Variants in XCR1 observed in about 807,000 individuals in gnomAD.
XCR1 encodes the protein X-C motif chemokine receptor 1.
For synonymous variants in XCR1, 187 were observed against 188.5 expected (o/e 0.99, Z 0.06); for missense variants, 356 against 424.2 (o/e 0.84, Z 1.41).
chr3:46,023,988 A>G (rs1708233846), intron 1 of XCR1: 2 of 1,422,096 alleles, frequency 1.4e-6, no homozygotes, highest in Non-Finnish European at 2.0e-6. Context: ...GCTTGCCGCC[A>G]CATTCAGAAA....
At chr3:46,023,653 A>T (rs1241718769) in intron 1 of XCR1, 1 of 1,375,436 alleles carries the variant, frequency 7.3e-7, no homozygotes, top group African/African-American at 1.4e-5. Flanking sequence ...TCAGAAGTAC[A>T]GCCCTTCTTC....
intron 5 of XCR1, among the ~76,000 whole-genome samples, chr3:46,039,507 T>C (rs1321741206): frequency 6.6e-6 from 1 of 152,240 alleles, no homozygotes; most frequent in Non-Finnish European, 1.5e-5. Context: ...ATTTGTGACA[T>C]GTTAGAATGA....
At chr3:46,048,819 A>G (rs1226422072) in intron 5 of XCR1, among the ~76,000 whole-genome samples, 1 of 152,192 alleles carries the variant, frequency 6.6e-6, no homozygotes, top group Non-Finnish European at 1.5e-5. Flanking sequence ...AAGGCTAAAT[A>G]TAGTTTTGAT....
At chr3:46,024,018 C>G in intron 1 of XCR1, 2 of 1,365,982 alleles carry the variant, frequency 1.5e-6, no homozygotes, top group Admixed American at 1.7e-5. Context: ...CCTCCTCAAC[C>G]TGGCAGAAGT....
Position 46,021,382 on chromosome 3 carries a change from T to C in XCR1, c.566A>G (p.Gln189Arg). 1 of 1,614,126 alleles carries C rather than the reference T, an allele frequency of 6.2e-7. No homozygotes were observed. The highest frequency in any genetic ancestry group is 8.5e-7 in the Non-Finnish European group (1 of 1,180,022). The stretch of plus-strand genomic sequence containing the variant: ...GGACAGCAGGAAGAAGAGGTTGTGC[T>C]GGTAGACGGAGGTGAGGTACCACGT... ...ELTWYLTSVY[Q>R]HNLFFLLSLG... is the part of the protein sequence containing the mutation. The change falls in exon 2 of 2, where the codon CAG becomes CGG. Residue 189 changes from glutamine (Q) to arginine (R), a missense_variant. Gln to Arg is a conservative substitution (Grantham distance 43, BLOSUM62 1). Coordinates refer to ENST00000309285, the MANE Select transcript of XCR1 (RefSeq NM_001024644.2). The surrounding 1 kb of genome is among the most constrained non-coding windows in gnomAD (Gnocchi z 4.7).
chr3:46,035,597 C>T (rs1272731966), intron 5 of XCR1, among the ~76,000 whole-genome samples: 6 of 152,194 alleles, frequency 3.9e-5, no homozygotes, highest in African/African-American at 1.2e-4. Context: ...AAGTTTCAGT[C>T]TGTCTCTGGC....
chr3:46,036,897 C>T (rs1182633725), intron 5 of XCR1, among the ~76,000 whole-genome samples: 4 of 151,996 alleles, frequency 2.6e-5, no homozygotes, highest in African/African-American at 4.8e-5. Flanking sequence ...ATAAATAATG[C>T]ATAAGTAATC....
At chr3:46,060,320 A>G (rs1021079154) in intron 4 of XCR1, among the ~76,000 whole-genome samples, 1 of 152,156 alleles carries the variant, frequency 6.6e-6, no homozygotes, top group Non-Finnish European at 1.5e-5. Context: ...GTTCTTCCTG[A>G]ACTCGGTTGT....
upstream of XCR1, among the ~76,000 whole-genome samples, chr3:46,031,513 AG>A (rs1272385888): frequency 6.6e-6 from 1 of 152,148 alleles, no homozygotes; most frequent in Non-Finnish European, 1.5e-5. Flanking sequence ...AAGGCTGAGG[AG>A]GGGGGCGCTG....
intron 4 of XCR1, among the ~76,000 whole-genome samples, chr3:46,058,860 C>T (rs540948545): frequency 7.9e-5 from 12 of 152,262 alleles, no homozygotes; most frequent in African/African-American, 1.9e-4. Flanking sequence ...CCATGATGAC[C>T]GGCCATAGGG....
intron 5 of XCR1, among the ~76,000 whole-genome samples, chr3:46,046,073 G>C (rs1331533131): frequency 6.6e-6 from 1 of 152,194 alleles, no homozygotes; most frequent in Non-Finnish European, 1.5e-5. Context: ...CAGCAACATG[G>C]AGAGAACTGG....
intron 5 of XCR1, among the ~76,000 whole-genome samples, chr3:46,048,355 A>G (rs904672499): frequency 2.0e-5 from 3 of 152,220 alleles, no homozygotes; most frequent in African/African-American, 7.2e-5. Context: ...TAACATGGCC[A>G]AGAACATGGA....
chr3:46,066,791 T>C (rs1333765586), intron 4 of XCR1, among the ~76,000 whole-genome samples: 1 of 152,274 alleles, frequency 6.6e-6, no homozygotes, highest in Non-Finnish European at 1.5e-5. Context: ...TCAGTGCCTA[T>C]GCAATTTTGG....
At position 46,021,680 on chromosome 3, in the gene XCR1, G is replaced by A. The variant is rs773319676; in HGVS notation, c.268C>T (p.Pro90Ser). 3 of 1,605,286 alleles carry A rather than the reference G, an allele frequency of 1.9e-6. No individual in the cohort carries two copies. The highest frequency in any genetic ancestry group is 1.7e-5 in the Admixed American group (1 of 59,252). ...FACLLPVWIS[P>S]YHWGWVLGDF... ...CCCAGCACCCAGCCCCAGTGGTATG[G>A]GGAGATCCACACAGGCAACAAGCAG... The change falls in exon 2 of 2, where the codon CCA (proline) becomes TCA (serine). Residue 90 changes from proline to serine, a missense_variant. Coordinates refer to ENST00000309285, the MANE Select transcript of XCR1 (RefSeq NM_001024644.2). The surrounding 1 kb of genome is among the most constrained non-coding windows in gnomAD (Gnocchi z 4.7).
At chr3:46,037,783 C>A (rs1575417376) in intron 5 of XCR1, among the ~76,000 whole-genome samples, 2 of 152,126 alleles carry the variant, frequency 1.3e-5, no homozygotes, top group East Asian at 3.9e-4. Context: ...TTTGGCAATT[C>A]TTTTTTAATA....
intron 1 of XCR1, chr3:46,022,200 C>T (rs1166459627): frequency 5.1e-6 from 2 of 395,168 alleles, no homozygotes; most frequent in Non-Finnish European, 9.0e-6. Context: ...ACTCAGGAAA[C>T]CGGGGGGTGG....
chr3:46,023,970 AT>A (rs1024269263), intron 1 of XCR1: 4 of 1,460,106 alleles, frequency 2.7e-6, no homozygotes, highest in Non-Finnish European at 3.8e-6. Flanking sequence ...AAACGTCAGA[AT>A]TACGGAGCTT....
chr3:46,057,882 G>GTCCATCTATCTATCTA (rs1027471283), intron 4 of XCR1, among the ~76,000 whole-genome samples: 4 of 134,800 alleles, frequency 3.0e-5, no homozygotes, highest in African/African-American at 1.3e-4. Flanking sequence ...TTATCTGTCT[G>GTCCATCTATCTATCTA]TCTATCTATC....
At chr3:46,067,919 G>A (rs967782482) in intron 3 of XCR1, among the ~76,000 whole-genome samples, 1 of 152,230 alleles carries the variant, frequency 6.6e-6, no homozygotes, top group African/African-American at 2.4e-5. Context: ...AAGATGGGTG[G>A]TGGGAAAGGC....
Sources: allele counts gnomAD v4.1 joint callset (sites outside exome capture counted in the v4.1 genomes callset), GRCh38; gene constraint gnomAD v4.1.1; non-coding constraint Gnocchi (gnomAD v3.1); transcripts MANE v1.5; gene names NCBI Gene and HGNC (gene_info 2026-07-23, HGNC 2026-07-21).